ATP2C1: variants seen among roughly 807,000 people sequenced by gnomAD.
ATP2C1 encodes the protein calcium-transporting ATPase type 2C member 1.
A neutral mutation model predicts 120.5 loss-of-function variants in ATP2C1; 31 were observed. The ratio of observed to expected loss-of-function variants is 0.26; its 90% CI spans 0.19 to 0.35. The LOEUF is 0.35. Ranked by LOEUF, ATP2C1 falls within the 10% of genes least tolerant of loss-of-function variation. The pLI is 1.00. For synonymous variants in ATP2C1, 351 were observed against 358.7 expected (o/e 0.98, Z 0.24); for missense variants, 731 against 1,107.5 (o/e 0.66, Z 4.83).
chr3:130,954,710 C>T (rs991309499), intron 9 of ATP2C1, among the ~76,000 whole-genome samples: 3 of 152,136 alleles, frequency 2.0e-5, no homozygotes, highest in African/African-American at 4.8e-5. Flanking sequence ...TGATCTCGAA[C>T]TCCTGACCTC....
chr3:130,995,910 G>C (rs115547877), intron 22 of ATP2C1, 133 bp from the exon 23 acceptor site: 1 of 684,052 alleles, frequency 1.5e-6, no homozygotes, highest in Non-Finnish European at 2.6e-6. Context: ...CTCCCAGTGT[G>C]CTGGGATTAC....
chr3:130,947,164 T>C (rs1001746278), intron 8 of ATP2C1, among the ~76,000 whole-genome samples: 4 of 152,122 alleles, frequency 2.6e-5, no homozygotes, highest in Admixed American at 2.6e-4. Context: ...CTGGGCTCTG[T>C]TTTGGTAGGT....
chr3:130,974,497 T>C (rs1229186857), intron 17 of ATP2C1, among the ~76,000 whole-genome samples: 1 of 152,244 alleles, frequency 6.6e-6, no homozygotes, highest in Admixed American at 6.5e-5. Context: ...CTGACCGTTG[T>C]GGAGTGAGGA....
At chr3:130,912,460 C>G (rs1248826723) in intron 2 of ATP2C1, among the ~76,000 whole-genome samples, 1 of 150,430 alleles carries the variant, frequency 6.6e-6, no homozygotes, top group South Asian at 2.1e-4. Context: ...ACAGACACTT[C>G]TCAAAAGAAG....
At chr3:130,862,991 G>C (rs559596143) in intron 1 of ATP2C1, among the ~76,000 whole-genome samples, 3 of 152,286 alleles carry the variant, frequency 2.0e-5, no homozygotes, top group African/African-American at 7.2e-5. Context: ...CAATGCTAGA[G>C]TCTTTCTCGG....
intron 1 of ATP2C1, among the ~76,000 whole-genome samples, chr3:130,882,098 G>T (rs1462952987): frequency 6.6e-6 from 1 of 152,144 alleles, no homozygotes; most frequent in Non-Finnish European, 1.5e-5. Context: ...TTGAATAATA[G>T]TGGTGAAAAA....
intron 5 of ATP2C1, among the ~76,000 whole-genome samples, chr3:130,937,047 G>A (rs1452230966): frequency 1.3e-5 from 2 of 152,014 alleles, no homozygotes; most frequent in East Asian, 3.8e-4. Flanking sequence ...TTTTCATAAA[G>A]TTATTTGTGT....
chr3:130,912,243 T>C lies in ATP2C1; in HGVS notation c.6+17468T>C, dbSNP rs1386868805. Among the ~76,000 whole-genome samples the C allele has an allele frequency of 6.9e-3, 925 of 134,580 alleles. 13 individuals are homozygous for C. The highest frequency in any genetic ancestry group is 0.025 in the African/African-American group (859 of 34,986). The allele number at this position is 134,580 out of a possible 152,430, so 88.3% of individuals were successfully genotyped here. On this transcript the variant is annotated intron_variant, in intron 2 of 27. Transcript: ENST00000510168. The stretch of plus-strand genomic sequence containing the variant: ...AAAGCAATGGCAACAAAAGACAAAA[T>C]TGACAAATGGGATCTAATTAAACTA...
intron 2 of ATP2C1, among the ~76,000 whole-genome samples, chr3:130,913,436 T>C (rs1294968682): frequency 6.6e-6 from 1 of 152,198 alleles, no homozygotes; most frequent in Non-Finnish European, 1.5e-5. Flanking sequence ...TTATTAATAC[T>C]ACTGGCCCAC....
At chr3:130,948,034 A>T (rs935005228) in intron 8 of ATP2C1, among the ~76,000 whole-genome samples, 2 of 152,216 alleles carry the variant, frequency 1.3e-5, no homozygotes, top group African/African-American at 2.4e-5. Context: ...ATATAGATTT[A>T]TAAGCATTTT....
intron 20 of ATP2C1, among the ~76,000 whole-genome samples, chr3:130,982,325 C>T (rs1213955178): frequency 6.6e-6 from 1 of 152,164 alleles, no homozygotes; most frequent in Non-Finnish European, 1.5e-5. Context: ...GCTTTTCTAA[C>T]AAATTATTTG....
chr3:130,857,641 G>C (rs577039866), intron 1 of ATP2C1, among the ~76,000 whole-genome samples: 2 of 152,248 alleles, frequency 1.3e-5, no homozygotes, highest in Admixed American at 1.3e-4. Context: ...TCTTTCACTG[G>C]CTTCCATTTG....
chr3:130,963,899 A>C, intron 12 of ATP2C1, 72 bp from the exon 13 acceptor site: 2 of 1,591,824 alleles, frequency 1.3e-6, no homozygotes, highest in Non-Finnish European at 1.7e-6. Flanking sequence ...AGCTTTAAGT[A>C]ACATCCAATT....
At chr3:130,958,248 A>G (rs1576882057) in intron 11 of ATP2C1, among the ~76,000 whole-genome samples, 1 of 152,146 alleles carries the variant, frequency 6.6e-6, no homozygotes, top group East Asian at 1.9e-4. Context: ...GTTTTTTGTA[A>G]AGAACTAGAT....
chr3:130,883,326 T>G (rs950840440), intron 1 of ATP2C1, among the ~76,000 whole-genome samples: 1 of 152,184 alleles, frequency 6.6e-6, no homozygotes, highest in African/African-American at 2.4e-5. Context: ...TTTATTGTTT[T>G]CTTCATTTCA....
intron 2 of ATP2C1, among the ~76,000 whole-genome samples, chr3:130,921,079 C>CTTTTTTT (rs1170193033): frequency 3.1e-5 from 4 of 128,562 alleles, no homozygotes; most frequent in African/African-American, 9.0e-5. Flanking sequence ...AGTTTTCTTT[C>CTTTTTTT]TTTTTTTTTT....
rs756360665 is a variant in ATP2C1, at chr3:131,001,658, A to G, written c.*308A>G. ...CCTTCTGCACTTAAAGAAGTCTAAC[A>G]GTACAAATACACTATCTATCTTAGA... On this transcript the variant is annotated 3_prime_UTR_variant, in exon 28 of 28. Transcript: ENST00000510168. The G allele has an allele frequency of 5.6e-6, 6 of 1,070,916 alleles. No homozygotes were observed. The highest frequency in any genetic ancestry group is 6.8e-6 in the Non-Finnish European group (6 of 880,380). The allele number at this position is 1,070,916 out of a possible 1,614,324, so 66.3% of individuals were successfully genotyped here.
intron 1 of ATP2C1, among the ~76,000 whole-genome samples, chr3:130,851,759 C>T (rs796362002): frequency 6.6e-6 from 1 of 152,112 alleles, no homozygotes; most frequent in Non-Finnish European, 1.5e-5. Flanking sequence ...ATGTGAAGGA[C>T]AAATGTATAG....
rs761498632 is a variant in ATP2C1, at chr3:130,956,195, G to A, written c.832+16G>A. 10 of 1,495,740 alleles carry A rather than the reference G, an allele frequency of 6.7e-6. No individual in the cohort carries two copies. In the South Asian group the frequency reaches 9.1e-5, roughly 14 times the overall value. The allele number at this position is 1,495,740 out of a possible 1,614,324, so 92.7% of individuals were successfully genotyped here. On this transcript the variant is annotated intron_variant, in intron 11 of 27. Transcript: ENST00000510168. ...GGTATAATAGGTAAGAGAAGAGTGA[G>A]TATGTATATATTTTTATTTGAGTTT... is the stretch of plus-strand genomic sequence containing the variant.
Sources: gnomAD v4.1 joint callset for allele counts (sites outside exome capture counted in the v4.1 genomes callset) on GRCh38, gnomAD v4.1.1 for gene constraint, MANE v1.5 for transcripts, NCBI Gene and HGNC (gene_info 2026-07-23, HGNC 2026-07-21) for gene names.